Variants in TNS3 observed in about 807,000 individuals in gnomAD.
The protein encoded by TNS3 is tensin 3.
Under a neutral mutation model 140.9 loss-of-function variants are expected in TNS3, and 45 were observed. That is an observed-to-expected ratio of 0.32 (90% CI 0.25 to 0.41). The LOEUF (loss-of-function observed/expected upper bound fraction) is 0.41. Among genes scored for constraint, TNS3 ranks in the 10% least tolerant of loss-of-function variants. TNS3 has a pLI of 1.00. For synonymous variants in TNS3, 815 were observed against 788.4 expected, an observed-to-expected ratio of 1.03 and a Z score of -0.56; for missense variants, 1,716 against 1,906.7, an observed-to-expected ratio of 0.90 and a Z score of 1.86.
chr7:47,378,101 T>C (rs1372004932), intron 16 of TNS3, among the ~76,000 whole-genome samples: 1 of 152,122 alleles, frequency 6.6e-6, no homozygotes, highest in Non-Finnish European at 1.5e-5. Context: ...TGTTTGCTGA[T>C]ATCAGCTCCC....
chr7:47,303,144 TGGCCCTGCA>T lies in TNS3; in HGVS notation c.3254_3262del (p.Leu1085_Gly1087del). 1 of 1,613,948 alleles carries T rather than the reference TGGCCCTGCA, an allele frequency of 6.2e-7. No individual in the cohort carries two copies. The highest frequency in any genetic ancestry group is 8.5e-7 in the Non-Finnish European group (1 of 1,179,940). ...TGGCTGCCCGGGCAGGGTCACACCC[TGGCCCTGCA>T]GGCCTGGACTGTGGTGGCTGCTGTG... On this transcript the variant is annotated inframe_deletion, in exon 22 of 31. Transcript: ENST00000311160.
rs1236106676 is a variant in TNS3, at chr7:47,530,836, A to ATATATATATATAT, written c.-264-1690_-264-1689insATATATATATATA. On this transcript the variant is annotated intron_variant, in intron 1 of 30. Coordinates refer to ENST00000311160, the MANE Select transcript of TNS3 (RefSeq NM_022748.12). ...GAAACTCCATCTCAAAAAAAAAAAA[A>ATATATATATATAT]AAATATATATATATATATATATTTC... is the stretch of plus-strand genomic sequence containing the variant. Among the ~76,000 whole-genome samples, 193 of 33,172 alleles carry ATATATATATATAT rather than the reference A, an allele frequency of 5.8e-3. 1 individual carries two copies. Among genetic ancestry groups the ATATATATATATAT allele is most frequent in the South Asian group, 0.017 (14 of 802 alleles). The allele number at this position is 33,172 out of a possible 152,430, so 21.8% of individuals were successfully genotyped here. A position where few individuals can be genotyped will look rare whatever the true frequency, so the allele number is the denominator to read the frequency against.
chr7:47,528,254 A>C (rs1213575653), intron 2 of TNS3, among the ~76,000 whole-genome samples: 1 of 152,118 alleles, frequency 6.6e-6, no homozygotes, highest in East Asian at 1.9e-4. Context: ...CATCACAGGC[A>C]CCCTACTCTA....
At chr7:47,421,262 C>T (rs180921397) in intron 10 of TNS3, among the ~76,000 whole-genome samples, 119 of 152,158 alleles carry the variant, frequency 7.8e-4, no homozygotes, top group Non-Finnish European at 1.5e-3. Context: ...CAAAACTATA[C>T]CCGGATTTTT....
chr7:47,487,547 G>A (rs1797657903), intron 3 of TNS3, among the ~76,000 whole-genome samples: 1 of 152,048 alleles, frequency 6.6e-6, no homozygotes, highest in South Asian at 2.1e-4. Context: ...GCAATGAAAC[G>A]GGCGTTCCAC....
chr7:47,293,929 C>T (rs1169318918), intron 24 of TNS3, 101 bp from the exon 25 acceptor site: 2 of 1,083,158 alleles, frequency 1.8e-6, no homozygotes, highest in Non-Finnish European at 2.8e-6. Context: ...GTTGAAAAGG[C>T]TCTTCTCTGA....
At chr7:47,328,168 G>A (rs990226884) in intron 20 of TNS3, among the ~76,000 whole-genome samples, 6 of 152,090 alleles carry the variant, frequency 3.9e-5, no homozygotes, top group African/African-American at 9.7e-5. Context: ...CGAGGGAGTC[G>A]TGCAGGGGGC....
At chr7:47,278,485 G>A (rs868701) in intron 30 of TNS3, 102,271 of 423,598 alleles carry the variant, frequency 0.24, 14,336 homozygotes, top group East Asian at 0.54. Flanking sequence ...CCCAGGTTAG[G>A]ACCTGAATCA....
At chr7:47,448,277 C>T (rs533283339) in intron 4 of TNS3, among the ~76,000 whole-genome samples, 1 of 152,326 alleles carries the variant, frequency 6.6e-6, no homozygotes, top group African/African-American at 2.4e-5. Flanking sequence ...AAGACACAGG[C>T]CCCATTCCCT....
intron 15 of TNS3, among the ~76,000 whole-genome samples, chr7:47,399,493 A>G (rs1793030199): frequency 6.6e-6 from 1 of 152,238 alleles, no homozygotes; most frequent in African/African-American, 2.4e-5. Flanking sequence ...AGATCAATGG[A>G]ACAGAATAGA....
intron 4 of TNS3, among the ~76,000 whole-genome samples, chr7:47,451,246 TG>T (rs934430596): frequency 3.9e-5 from 6 of 152,302 alleles, no homozygotes; most frequent in African/African-American, 1.4e-4. Flanking sequence ...CCTAGCAGCC[TG>T]ACCAGCCCTG....
intron 4 of TNS3, chr7:47,453,350 A>C: frequency 1.4e-6 from 1 of 702,040 alleles, no homozygotes; most frequent in Non-Finnish European, 1.8e-6. Context: ...CACTAGGGAG[A>C]ACCGCCTCTC....
intron 1 of TNS3, among the ~76,000 whole-genome samples, chr7:47,564,118 C>G (rs1160352844): frequency 7.2e-6 from 1 of 139,588 alleles, no homozygotes; most frequent in South Asian, 2.3e-4. Context: ...GGCGTGAGCC[C>G]GGGAGGTGGA....
intron 20 of TNS3, among the ~76,000 whole-genome samples, chr7:47,332,601 T>C (rs1469119693): frequency 2.6e-5 from 4 of 152,052 alleles, no homozygotes; most frequent in East Asian, 3.9e-4. Flanking sequence ...TCATAGACAA[T>C]GGGGCTCAGA....
chr7:47,478,969 G>C (rs1177202627), intron 4 of TNS3, among the ~76,000 whole-genome samples: 1 of 151,970 alleles, frequency 6.6e-6, no homozygotes, highest in Non-Finnish European at 1.5e-5. Flanking sequence ...CAGCAGCAAG[G>C]GGAGTGGGCA....
intron 20 of TNS3, among the ~76,000 whole-genome samples, chr7:47,313,528 G>A (rs150257269): frequency 1.6e-3 from 239 of 152,296 alleles, no homozygotes; most frequent in African/African-American, 5.4e-3. Flanking sequence ...TGGTTGGTTG[G>A]TTGAGCTTTC....
rs578101365 is a variant in TNS3, at chr7:47,479,776, G to A, written c.-76+1327C>T. Among the ~76,000 whole-genome samples the A allele has an allele frequency of 4.6e-5, 7 of 152,360 alleles. No individual in the cohort carries two copies. The East Asian group carries it at 1.4e-3, about 29-fold the overall frequency. ...GGAGCATAATAAGGGCACCCCGCCT[G>A]TGGCCAGGCTTCTGTGACAGGCCTG... On this transcript the variant is annotated intron_variant, in intron 4 of 30. Transcript: ENST00000311160.
chr7:47,322,539 AACACACAC>A (rs71003393), intron 20 of TNS3, among the ~76,000 whole-genome samples: 1 of 150,958 alleles, frequency 6.6e-6, no homozygotes, highest in East Asian at 2.0e-4. Flanking sequence ...CAAACAAACA[AACACACAC>A]ACACACACAA....
intron 20 of TNS3, among the ~76,000 whole-genome samples, chr7:47,341,087 A>T (rs1046203585): frequency 4.6e-5 from 7 of 152,180 alleles, no homozygotes; most frequent in African/African-American, 1.7e-4. Context: ...ATCTCAGAAT[A>T]TGTCCCATTT....
Sources: allele counts gnomAD v4.1 joint callset (sites outside exome capture counted in the v4.1 genomes callset), GRCh38; gene constraint gnomAD v4.1.1; transcripts MANE v1.5; gene names NCBI Gene and HGNC (gene_info 2026-07-23, HGNC 2026-07-21).